Variants in LAMP1 observed in about 807,000 individuals in gnomAD.
LAMP1 encodes the protein lysosome-associated membrane glycoprotein 1.
In LAMP1, 7 loss-of-function variants were observed where a neutral mutation model predicts 37.5. The ratio of observed to expected loss-of-function variants is 0.19; its 90% CI spans 0.11 to 0.35. The LOEUF (loss-of-function observed/expected upper bound fraction) is 0.35, where lower values mean the gene tolerates loss of function less well. Among genes scored for constraint, LAMP1 ranks in the 10% least tolerant of loss-of-function variants. The probability of loss-of-function intolerance (pLI) is 1.00; values close to 1 mark genes in which losing one functional copy is unlikely to be tolerated. For missense variants in LAMP1, 537 were observed against 552.8 expected (o/e 0.97, Z 0.29); for synonymous variants, 236 against 229.1 (o/e 1.03, Z -0.27).
chr13:113,304,660 C>CTT (rs1376947385), intron 1 of LAMP1, among the ~76,000 whole-genome samples: 1 of 143,616 alleles, frequency 7.0e-6, no homozygotes. Context: ...TTTTCTTTTT[C>CTT]TTTTTTTTTT....
At position 113,297,255 on chromosome 13, in the gene LAMP1, C is replaced by G. The variant is rs931856350; in HGVS notation, c.-180C>G. 4 of 168,494 alleles carry G rather than the reference C, an allele frequency of 2.4e-5. No homozygotes were observed. The highest frequency in any genetic ancestry group is 3.6e-4 in the East Asian group (2 of 5,618). The allele number at this position is 168,494 out of a possible 1,614,324, so 10.4% of individuals were successfully genotyped here. On this transcript the variant is annotated 5_prime_UTR_variant, in exon 1 of 9. Coordinates refer to ENST00000332556, the MANE Select transcript of LAMP1 (RefSeq NM_005561.4). The surrounding 1 kb of genome is among the most constrained non-coding windows in gnomAD (Gnocchi z 4.4). Reference sequence around the variant, plus strand: ...GCGCAGCTCACGTGACAAGCGCTGCCGGCCGCGGTGTCTTCTTCGTGCCGG... The same window carrying G: ...GCGCAGCTCACGTGACAAGCGCTGCGGGCCGCGGTGTCTTCTTCGTGCCGG...
At chr13:113,303,150 C>T (rs970855040) in intron 1 of LAMP1, among the ~76,000 whole-genome samples, 7 of 152,210 alleles carry the variant, frequency 4.6e-5, no homozygotes, top group Non-Finnish European at 7.3e-5. Flanking sequence ...CCTTGGCACT[C>T]TCTCCTCCTG....
chr13:113,301,966 C>A, intron 1 of LAMP1, among the ~76,000 whole-genome samples: 1 of 146,682 alleles, frequency 6.8e-6, no homozygotes, highest in East Asian at 2.1e-4. Flanking sequence ...AGGTTCACGC[C>A]ATTCTCCTGC....
intron 1 of LAMP1, among the ~76,000 whole-genome samples, chr13:113,299,313 G>A (rs1465715705): frequency 6.6e-6 from 1 of 151,336 alleles, no homozygotes; most frequent in East Asian, 1.9e-4. Context: ...TGCCCAGGCT[G>A]GAGTGCAGTG....
Position 113,309,717 on chromosome 13 carries a change from T to C in LAMP1, c.258T>C (p.Ser86=). 6.2e-7 allele frequency: 1 copy of C among 1,614,234 alleles called. No individual in the cohort carries two copies. The highest frequency in any genetic ancestry group is 1.7e-5 in the Admixed American group (1 of 60,024). The change falls in exon 3 of 9, where the codon TCT becomes TCC. Residue 86 remains serine, a synonymous_variant. Transcript: ENST00000332556. Reference sequence around the variant, plus strand: ...GCTCCTGTGGAAAAGAGAACACTTCTGACCCCAGTCTCGTGATTGCTTTTG... The same window carrying C: ...GCTCCTGTGGAAAAGAGAACACTTCCGACCCCAGTCTCGTGATTGCTTTTG... ...NRSSCGKENT[S]DPSLVIAFGR... is the part of the protein sequence containing the mutation.
At chr13:113,314,948 G>C (rs2092565328) in intron 4 of LAMP1, among the ~76,000 whole-genome samples, 1 of 114,506 alleles carries the variant, frequency 8.7e-6, no homozygotes, top group East Asian at 3.5e-4. Context: ...CTCCTGGAGG[G>C]AACCAGTGTG....
At chr13:113,316,454 C>G (rs2042664944) in intron 4 of LAMP1, among the ~76,000 whole-genome samples, 1 of 147,094 alleles carries the variant, frequency 6.8e-6, no homozygotes, top group African/African-American at 2.5e-5. Context: ...CAGAGTCCCG[C>G]TCTGTCACCC....
Position 113,317,177 on chromosome 13 carries a change from C to T in LAMP1, c.563-2292C>T, listed in dbSNP as rs557344740. On this transcript the variant is annotated intron_variant, in intron 4 of 8. Coordinates refer to ENST00000332556, the MANE Select transcript of LAMP1 (RefSeq NM_005561.4). ...AAAGGCCCGGCTGTGTGCTGCTCTC[C>T]GGAGGGTGCTGGAGGAGGTGTGACA... 6.2e-4 allele frequency among the ~76,000 whole-genome samples: 95 copies of T among 152,274 alleles called. No individual in the cohort carries two copies. The Middle Eastern group carries it at 0.024, about 38-fold the overall frequency.
At chr13:113,306,902 C>A (rs1237461780) in intron 2 of LAMP1, among the ~76,000 whole-genome samples, 1 of 122,862 alleles carries the variant, frequency 8.1e-6, no homozygotes, top group African/African-American at 3.1e-5. Flanking sequence ...TGCAGTGGCG[C>A]GATCTCTGCT....
At chr13:113,303,913 C>T (rs573749033) in intron 1 of LAMP1, among the ~76,000 whole-genome samples, 2 of 152,098 alleles carry the variant, frequency 1.3e-5, no homozygotes, top group African/African-American at 2.4e-5. Flanking sequence ...CTGTCTACCC[C>T]GTCTCTACTA....
chr13:113,310,100 G>T (rs1282123390), intron 3 of LAMP1, among the ~76,000 whole-genome samples: 1 of 152,044 alleles, frequency 6.6e-6, no homozygotes, highest in Non-Finnish European at 1.5e-5. Context: ...GTGGTGGCGG[G>T]CACCTGTAAT....
intron 4 of LAMP1, among the ~76,000 whole-genome samples, chr13:113,319,249 C>G (rs1383976746): frequency 6.6e-6 from 1 of 152,170 alleles, no homozygotes; most frequent in African/African-American, 2.4e-5. Flanking sequence ...TGAGGGTGCC[C>G]CACGGGCCTG....
chr13:113,312,184 C>G (rs887093058), intron 4 of LAMP1, among the ~76,000 whole-genome samples: 2 of 152,202 alleles, frequency 1.3e-5, no homozygotes, highest in Admixed American at 6.5e-5. Flanking sequence ...GGTCGGCACC[C>G]CATGGTGCTG....
chr13:113,320,956 A>ACT lies in LAMP1; in HGVS notation c.877-447_877-446dup, dbSNP rs1219707971. On this transcript the variant is annotated intron_variant, in intron 6 of 8. Transcript: ENST00000332556. This position sits in a 1 kb window ranked among gnomAD's most constrained non-coding sequence, Gnocchi z 4.4. ...CTCCTGCAGTCCCCGTTTTCCAGAG[A>ACT]CTGACTCTCAAGAGGTCTGGAAGGA... is the stretch of plus-strand genomic sequence containing the variant. The ACT allele has an allele frequency of 4.6e-6, 1 of 217,060 alleles. No homozygotes were observed. The highest frequency in any genetic ancestry group is 2.3e-5 in the African/African-American group (1 of 43,320). The allele number at this position is 217,060 out of a possible 1,614,324, so 13.4% of individuals were successfully genotyped here. A position where few individuals can be genotyped will look rare whatever the true frequency, so the allele number is the denominator to read the frequency against.
At chr13:113,298,703 G>A (rs185702905) in intron 1 of LAMP1, among the ~76,000 whole-genome samples, 100 of 152,330 alleles carry the variant, frequency 6.6e-4, no homozygotes, top group African/African-American at 2.3e-3. Context: ...TAAGCCTGAA[G>A]CCTTGCTCAG....
chr13:113,298,958 T>C (rs2042556556), intron 1 of LAMP1, among the ~76,000 whole-genome samples: 1 of 152,198 alleles, frequency 6.6e-6, no homozygotes, highest in South Asian at 2.1e-4. Flanking sequence ...CTGGCCAATA[T>C]GGCGAAACCC....
chr13:113,303,005 G>A (rs2042581857), intron 1 of LAMP1, among the ~76,000 whole-genome samples: 1 of 152,220 alleles, frequency 6.6e-6, no homozygotes, highest in South Asian at 2.1e-4. Context: ...TTGATGTTTT[G>A]TGTCAGATAC....
chr13:113,307,759 T>A (rs979236985), intron 2 of LAMP1, among the ~76,000 whole-genome samples: 13 of 144,786 alleles, frequency 9.0e-5, no homozygotes, highest in African/African-American at 3.1e-4. Context: ...CAAAATATTT[T>A]AAAAATCCAA....
At chr13:113,307,823 G>T (rs1200343038) in intron 2 of LAMP1, among the ~76,000 whole-genome samples, 1 of 150,564 alleles carries the variant, frequency 6.6e-6, no homozygotes, top group African/African-American at 2.4e-5. Flanking sequence ...GCCAGACATG[G>T]TGGAGTGTGC....
Sources: allele counts gnomAD v4.1 joint callset (sites outside exome capture counted in the v4.1 genomes callset), GRCh38; gene constraint gnomAD v4.1.1; non-coding constraint Gnocchi (gnomAD v3.1); transcripts MANE v1.5; gene names NCBI Gene and HGNC (gene_info 2026-07-23, HGNC 2026-07-21).